TRAM2: variants seen among roughly 807,000 people sequenced by gnomAD.
The protein encoded by TRAM2 is translocation associated membrane protein 2.
In TRAM2, 12 loss-of-function variants were observed where a neutral mutation model predicts 51.0. The observed-to-expected ratio is 0.24, with a 90% CI of 0.15 to 0.38. TRAM2 has a LOEUF of 0.38. TRAM2 is among the 10% of genes least tolerant of loss of function. TRAM2 has a pLI of 1.00. For missense variants in TRAM2, 361 were observed against 462.0 expected, an observed-to-expected ratio of 0.78 and a Z score of 2.00; for synonymous variants, 175 against 179.4, an observed-to-expected ratio of 0.98 and a Z score of 0.20.
chr6:52,572,793 G>C (rs369903160), intron 1 of TRAM2, among the ~76,000 whole-genome samples: 15 of 152,336 alleles, frequency 9.8e-5, no homozygotes, highest in African/African-American at 3.4e-4. Flanking sequence ...CCATGTACTA[G>C]CAGGTGGTGA....
chr6:52,510,248 AT>A (rs1336798682), intron 4 of TRAM2, among the ~76,000 whole-genome samples: 1 of 152,202 alleles, frequency 6.6e-6, no homozygotes, highest in Non-Finnish European at 1.5e-5. Flanking sequence ...TATCTTTAGA[AT>A]TCTAACATGT....
intron 2 of TRAM2, among the ~76,000 whole-genome samples, chr6:52,531,972 T>C (rs1237522402): frequency 6.6e-6 from 1 of 152,162 alleles, no homozygotes; most frequent in Non-Finnish European, 1.5e-5. Flanking sequence ...GATTAATTAA[T>C]TAAGCAAATG....
intron 1 of TRAM2, among the ~76,000 whole-genome samples, chr6:52,572,492 A>G (rs1324582909): frequency 2.0e-5 from 3 of 152,320 alleles, no homozygotes; most frequent in Non-Finnish European, 4.4e-5. Context: ...AATCTCAGCT[A>G]CCTGGAAGGC....
At chr6:52,509,633 C>A (rs1220585131) in intron 4 of TRAM2, 47 bp from the exon 5 acceptor site, 5 of 1,594,242 alleles carry the variant, frequency 3.1e-6, no homozygotes, top group Middle Eastern at 1.7e-4. Context: ...GGACGTGAGA[C>A]CTGCTGGGGC....
chr6:52,576,765 C>A (rs772998403), intron 1 of TRAM2, 31 bp downstream of exon 1: 5 of 1,607,398 alleles, frequency 3.1e-6, no homozygotes, highest in Non-Finnish European at 4.2e-6. Context: ...GGGGCACTGT[C>A]CCTCCAGCTC....
At chr6:52,526,164 C>G (rs777912549) in intron 2 of TRAM2, among the ~76,000 whole-genome samples, 227 of 14,516 alleles carry the variant, frequency 0.016, 1 homozygote, top group East Asian at 0.033. Flanking sequence ...CACACACACA[C>G]ACACACACAC....
At chr6:52,557,125 G>A (rs538971497) in intron 1 of TRAM2, among the ~76,000 whole-genome samples, 19 of 151,628 alleles carry the variant, frequency 1.3e-4, no homozygotes, top group African/African-American at 4.1e-4. Flanking sequence ...CCTGGGAGGC[G>A]GAGGCTGCAG....
At chr6:52,526,140 TAC>T (rs1766773114) in intron 2 of TRAM2, among the ~76,000 whole-genome samples, 3 of 98,768 alleles carry the variant, frequency 3.0e-5, no homozygotes, top group Non-Finnish European at 6.4e-5. Context: ...TCCTAGGAAA[TAC>T]ACACAGACAG....
At chr6:52,571,591 G>A (rs996298059) in intron 1 of TRAM2, among the ~76,000 whole-genome samples, 6 of 152,168 alleles carry the variant, frequency 3.9e-5, no homozygotes, top group South Asian at 2.1e-4. Flanking sequence ...CAGTACCCAC[G>A]GACTGTGTTC....
At chr6:52,537,355 T>C (rs932206590) in intron 1 of TRAM2, among the ~76,000 whole-genome samples, 1 of 152,234 alleles carries the variant, frequency 6.6e-6, no homozygotes, top group South Asian at 2.1e-4. Context: ...CCTACCTTCC[T>C]GTCCAACTGC....
intron 1 of TRAM2, among the ~76,000 whole-genome samples, chr6:52,564,692 G>A (rs1264199465): frequency 6.6e-6 from 1 of 150,816 alleles, no homozygotes; most frequent in Non-Finnish European, 1.5e-5. Context: ...CAACTCAATG[G>A]AAGCAGAATC....
chr6:52,574,901 G>GA lies in TRAM2; in HGVS notation c.120+1894_120+1895insT, dbSNP rs1393238680. On this transcript the variant is annotated intron_variant, in intron 1 of 10. Transcript: ENST00000182527. The stretch of plus-strand genomic sequence containing the variant: ...CCCTAACAAATGCTAGAAATATGAC[G>GA]GAGAGAGCCACAGGCTATGCGAGAA... 2.3e-4 allele frequency among the ~76,000 whole-genome samples: 35 copies of GA among 152,262 alleles called. 2 individuals are homozygous for GA. The highest frequency in any genetic ancestry group is 6.5e-4 in the Admixed American group (10 of 15,290).
In TRAM2 at chr6:52,503,121, G is replaced by C. The variant is rs747181489; in HGVS notation, c.*76C>G. 5.7e-6 allele frequency: 7 copies of C among 1,232,016 alleles called. No homozygotes were observed. Among genetic ancestry groups the C allele is most frequent in the Non-Finnish European group, 8.4e-6 (7 of 833,200 alleles). 76.3% of individuals were successfully genotyped at this position (1,232,016 alleles called of 1,614,324 possible). On this transcript the variant is annotated 3_prime_UTR_variant, in exon 11 of 11. Coordinates refer to ENST00000182527, the MANE Select transcript of TRAM2 (RefSeq NM_012288.4). Reference sequence around the variant, plus strand: ...GGAGCATCACAGGCAGGAAGGAGGAGGCAGGGAGGGGGCCTGGGCTCCTTG... The same window carrying C: ...GGAGCATCACAGGCAGGAAGGAGGACGCAGGGAGGGGGCCTGGGCTCCTTG...
intron 1 of TRAM2, among the ~76,000 whole-genome samples, chr6:52,567,534 T>C (rs1767608540): frequency 6.6e-6 from 1 of 152,262 alleles, no homozygotes; most frequent in Non-Finnish European, 1.5e-5. Context: ...GAAATGTTTC[T>C]TTTACATTTC....
chr6:52,550,653 G>A (rs1049362982), intron 1 of TRAM2, among the ~76,000 whole-genome samples: 1 of 152,078 alleles, frequency 6.6e-6, no homozygotes. Context: ...CCAGGCTCAC[G>A]TGATTCTCCT....
intron 4 of TRAM2, among the ~76,000 whole-genome samples, chr6:52,515,699 A>G (rs1766534783): frequency 1.3e-5 from 2 of 152,234 alleles, no homozygotes; most frequent in African/African-American, 4.8e-5. Flanking sequence ...GAGCCTTGTA[A>G]AACAATACAG....
In TRAM2 at chr6:52,576,822, A is replaced by T; in HGVS notation, c.94T>A (p.Cys32Ser). The T allele has an allele frequency of 6.2e-7, 1 of 1,613,752 alleles. No individual in the cohort carries two copies. The highest frequency in any genetic ancestry group is 8.5e-7 in the Non-Finnish European group (1 of 1,179,786). Residue 32 changes from cysteine to serine, a missense_variant, in exon 1 of 11, where the codon TGC becomes AGC. Cys to Ser is a moderately radical substitution (Grantham distance 112). Coordinates refer to ENST00000182527, the MANE Select transcript of TRAM2 (RefSeq NM_012288.4). ...HADIGFCLVLCVLIGLMFEVT... is the reference protein window; with the variant it reads ...HADIGFCLVLSVLIGLMFEVT... Reference sequence around the variant, plus strand: ...TCGAACATAAGCCCGATGAGGACGCAGAGCACCAGGCAGAAGCCGATGTCC... The same window carrying T: ...TCGAACATAAGCCCGATGAGGACGCTGAGCACCAGGCAGAAGCCGATGTCC...
At chr6:52,555,416 A>AATAT (rs926996727) in intron 1 of TRAM2, among the ~76,000 whole-genome samples, 5 of 152,076 alleles carry the variant, frequency 3.3e-5, no homozygotes, top group Non-Finnish European at 5.9e-5. Flanking sequence ...CATTAAAACA[A>AATAT]ATATATATAT....
intron 4 of TRAM2, among the ~76,000 whole-genome samples, chr6:52,511,941 T>G (rs772022010): frequency 6.6e-6 from 1 of 152,132 alleles, no homozygotes; most frequent in Non-Finnish European, 1.5e-5. Context: ...TGGATGAGGC[T>G]CTCGGGTGGT....
Sources: gnomAD v4.1 joint callset for allele counts (sites outside exome capture counted in the v4.1 genomes callset) on GRCh38, gnomAD v4.1.1 for gene constraint, MANE v1.5 for transcripts, NCBI Gene and HGNC (gene_info 2026-07-23, HGNC 2026-07-21) for gene names.